ZNF469: variants seen among roughly 807,000 people sequenced by gnomAD.
ZNF469 encodes the protein zinc finger protein 469.
Under a neutral mutation model 1.0 loss-of-function variants are expected in ZNF469, and 1 was observed. That is an observed-to-expected ratio of 1.00 (90% confidence interval 0.35 to 4.73). The LOEUF is 4.73. Ranked by LOEUF, ZNF469 falls within the 30% of genes most tolerant of loss-of-function variation. The pLI is 0.16. For synonymous variants in ZNF469, 2,703 were observed against 2,363.4 expected (o/e 1.14, Z -4.17); for missense variants, 6,100 against 5,356.3 (o/e 1.14, Z -4.33).
the ZNF469 span, among the ~76,000 whole-genome samples, chr16:88,122,634 G>T: frequency 1.1e-4 from 17 of 152,342 alleles, no homozygotes; most frequent in African/African-American, 4.1e-4. Flanking sequence ...CATTTACCCT[G>T]TGTGAGCCGG....
chr16:88,167,065 TTTTTTTTTTTTTC>T, the ZNF469 span, among the ~76,000 whole-genome samples: 1 of 138,142 alleles, frequency 7.2e-6, no homozygotes, highest in African/African-American at 2.8e-5. Context: ...TTTTTTTTTT[TTTTTTTTTTTTTC>T]TAAGAGGGAA....
chr16:88,278,893 T>G, the ZNF469 span, among the ~76,000 whole-genome samples: 1 of 148,272 alleles, frequency 6.7e-6, no homozygotes, highest in Admixed American at 6.9e-5. Context: ...GTCAGTACCG[T>G]GTAGATATCA....
chr16:88,175,218 T>G, the ZNF469 span, among the ~76,000 whole-genome samples: 2 of 152,178 alleles, frequency 1.3e-5, no homozygotes, highest in Non-Finnish European at 2.9e-5. Flanking sequence ...AGAATAGATT[T>G]AGATTGGGTA....
chr16:88,318,011 C>T, the ZNF469 span, among the ~76,000 whole-genome samples: 10 of 152,332 alleles, frequency 6.6e-5, no homozygotes, highest in African/African-American at 2.4e-4. Context: ...TGGCCCCAGC[C>T]CTGTCCTCTG....
At chr16:88,347,796 C>A in the ZNF469 span, among the ~76,000 whole-genome samples, 2 of 152,246 alleles carry the variant, frequency 1.3e-5, no homozygotes, top group African/African-American at 4.8e-5. Context: ...GGGCCACGCC[C>A]AGCACCCACC....
rs762894872 is a variant in ZNF469 at position 88,439,036 on chromosome 16, C to T, written c.11566C>T (p.Arg3856Cys). 4.6e-5 allele frequency: 71 copies of T among 1,550,342 alleles called. 1 individual carries two copies. The highest frequency in any genetic ancestry group is 8.2e-5 in the African/African-American group (6 of 73,056). ...CCCTCGGAAGCAGGCAACTCCCAGC[C>T]GCGTGCTCCCGACCAAGCCCAAGCC... ...RTPRKQATPS[R>C]VLPTKPKPNS... The change falls in exon 3 of 3, where the codon CGC (arginine) becomes TGC (cysteine). Residue 3856 changes from arginine (R) to cysteine (C), a missense_variant. Arg to Cys is a radical substitution (Grantham distance 180). Coordinates refer to ENST00000565624, the MANE Select transcript of ZNF469 (RefSeq NM_001367624.2).
chr16:88,216,625 T>C, the ZNF469 span, among the ~76,000 whole-genome samples: 80 of 152,370 alleles, frequency 5.3e-4, no homozygotes, highest in African/African-American at 1.9e-3. Flanking sequence ...ATTTTATATC[T>C]GGTTTTGGAA....
intron 2 of ZNF469, among the ~76,000 whole-genome samples, chr16:88,427,012 C>T: frequency 6.6e-6 from 1 of 152,118 alleles, no homozygotes; most frequent in African/African-American, 2.4e-5. Context: ...CACAGCCTGG[C>T]CGAGGACTGC....
At chr16:88,133,909 C>T in the ZNF469 span, among the ~76,000 whole-genome samples, 1 of 152,202 alleles carries the variant, frequency 6.6e-6, no homozygotes, top group East Asian at 1.9e-4. Flanking sequence ...GCCTGGCCAA[C>T]ATGGTGAAAC....
the ZNF469 span, among the ~76,000 whole-genome samples, chr16:88,188,216 C>T: frequency 6.6e-6 from 1 of 152,078 alleles, no homozygotes; most frequent in Non-Finnish European, 1.5e-5. Context: ...CACGTCTCAC[C>T]TCTCCTGTGA....
In ZNF469 at chr16:88,439,419, C is replaced by A; in HGVS notation, c.*87C>A. Reference sequence around the variant, plus strand: ...CCAGCTCCGGCTCCCTGAGATGGTCCACTCTGTGGCCACTTGACTTCTTGT... The same window carrying A: ...CCAGCTCCGGCTCCCTGAGATGGTCAACTCTGTGGCCACTTGACTTCTTGT... On this transcript the variant is annotated 3_prime_UTR_variant, in exon 3 of 3. Coordinates refer to ENST00000565624, the MANE Select transcript of ZNF469 (RefSeq NM_001367624.2). The A allele has an allele frequency of 7.1e-7, 1 of 1,413,186 alleles. No individual in the cohort carries two copies. Among genetic ancestry groups the A allele is most frequent in the Non-Finnish European group, 9.8e-7 (1 of 1,025,172 alleles). 87.5% of individuals were successfully genotyped at this position (1,413,186 alleles called of 1,614,324 possible).
the ZNF469 span, among the ~76,000 whole-genome samples, chr16:88,315,399 A>C: frequency 4.9e-4 from 75 of 152,250 alleles, no homozygotes; most frequent in African/African-American, 1.6e-3. Context: ...CATCTTCTCC[A>C]TCGCTGCCAG....
At position 88,438,071 on chromosome 16, in the gene ZNF469, T is replaced by C; in HGVS notation, c.10601T>C (p.Val3534Ala). 6.4e-7 allele frequency: 1 copy of C among 1,550,388 alleles called. No homozygotes were observed. Among genetic ancestry groups the C allele is most frequent in the Non-Finnish European group, 8.7e-7 (1 of 1,146,952 alleles). Reference protein sequence around the residue: ...PETLERPVDPVTHPIRGCELP... With the variant: ...PETLERPVDPATHPIRGCELP... ...ACCCTAGAGAGGCCTGTAGACCCCG[T>C]GACCCACCCGATCAGAGGTTGTGAG... The change falls in exon 3 of 3, where the codon GTG becomes GCG. Residue 3534 changes from valine (V) to alanine (A), a missense_variant. By Grantham distance (64) the Val-to-Ala change is moderately conservative (BLOSUM62 0). Coordinates refer to ENST00000565624, the MANE Select transcript of ZNF469 (RefSeq NM_001367624.2).
chr16:88,284,747 C>A, the ZNF469 span, among the ~76,000 whole-genome samples: 4 of 152,206 alleles, frequency 2.6e-5, no homozygotes, highest in African/African-American at 7.2e-5. Context: ...GGCCTGCAGG[C>A]ACACTCCGCC....
At chr16:88,217,379 G>T in the ZNF469 span, among the ~76,000 whole-genome samples, 1 of 152,122 alleles carries the variant, frequency 6.6e-6, no homozygotes, top group Non-Finnish European at 1.5e-5. Context: ...GTTCCTTGGG[G>T]CCCCAGTCTT....
the ZNF469 span, among the ~76,000 whole-genome samples, chr16:88,202,607 G>T: frequency 1.3e-5 from 2 of 152,230 alleles, no homozygotes; most frequent in African/African-American, 2.4e-5. Flanking sequence ...GGGCATCTCA[G>T]AACCTGAGGC....
the ZNF469 span, among the ~76,000 whole-genome samples, chr16:88,310,563 A>AT: frequency 3.8e-3 from 545 of 143,554 alleles, 1 homozygote; most frequent in Middle Eastern, 0.018. Context: ...CCTTCATTTT[A>AT]TTTTTTTTTT....
the ZNF469 span, among the ~76,000 whole-genome samples, chr16:88,223,378 C>A: frequency 1.5e-3 from 234 of 152,308 alleles, no homozygotes; most frequent in African/African-American, 5.6e-3. Context: ...ACACATGGAA[C>A]TGTGAGTCCA....
the ZNF469 span, among the ~76,000 whole-genome samples, chr16:88,184,503 G>A: frequency 6.6e-6 from 1 of 151,874 alleles, no homozygotes; most frequent in East Asian, 1.9e-4. Flanking sequence ...CGGTTTGTTT[G>A]TCTCTTCTCA....
Sources: gnomAD v4.1 joint callset for allele counts (sites outside exome capture counted in the v4.1 genomes callset) on GRCh38, gnomAD v4.1.1 for gene constraint, MANE v1.5 for transcripts, NCBI Gene and HGNC (gene_info 2026-07-23, HGNC 2026-07-21) for gene names.